RAPGEF5: variants seen among roughly 807,000 people sequenced by gnomAD.
RAPGEF5 encodes Rap guanine nucleotide exchange factor 5, also known as M-Ras-regulated GEF.
RAPGEF5 carries 65 observed loss-of-function variants against 125.2 expected under a neutral mutation model. The ratio of observed to expected loss-of-function variants is 0.52; its 90% confidence interval spans 0.43 to 0.64. The LOEUF is 0.64. RAPGEF5 is among the 30% of genes least tolerant of loss of function. The pLI is 0.00. For missense variants in RAPGEF5, 958 were observed against 1,048.1 expected (o/e 0.91, Z 1.19); for synonymous variants, 391 against 385.9 (o/e 1.01, Z -0.16).
intron 5 of RAPGEF5, among the ~76,000 whole-genome samples, chr7:22,297,200 G>GA (rs1488631370): frequency 6.6e-6 from 1 of 152,070 alleles, no homozygotes; most frequent in African/African-American, 2.4e-5. Flanking sequence ...GATGAAGCAG[G>GA]AAAAAAATGA....
intron 21 of RAPGEF5, 115 bp downstream of exon 21, chr7:22,139,910 C>A: frequency 3.4e-6 from 3 of 889,618 alleles, no homozygotes; most frequent in Admixed American, 2.5e-5. Flanking sequence ...ATCCCTACCA[C>A]CTTGACATAT....
rs571209777 is a variant in RAPGEF5, at chr7:22,202,331, G to T, written c.997-8298C>A. Among the ~76,000 whole-genome samples the T allele has an allele frequency of 1.2e-4, 18 of 152,296 alleles. No individual in the cohort carries two copies. The East Asian group carries it at 3.5e-3, about 29-fold the overall frequency. ...GGCTGAGTTCACAGCTGCAGACAAG[G>T]CCTCAACCTATACTGAGAGGACATG... On this transcript the variant is annotated intron_variant, in intron 9 of 25. Coordinates refer to ENST00000665637, the MANE Select transcript of RAPGEF5 (RefSeq NM_012294.5).
intron 7 of RAPGEF5, among the ~76,000 whole-genome samples, chr7:22,249,135 T>C (rs1038285275): frequency 6.6e-6 from 1 of 152,240 alleles, no homozygotes; most frequent in Non-Finnish European, 1.5e-5. Context: ...TTTACGAGGA[T>C]ATGGCTTAGT....
chr7:22,215,006 A>T (rs1785601656), intron 9 of RAPGEF5, among the ~76,000 whole-genome samples: 1 of 152,134 alleles, frequency 6.6e-6, no homozygotes, highest in Non-Finnish European at 1.5e-5. Flanking sequence ...AAAAGTTAGA[A>T]CCCCACCTAA....
chr7:22,315,252 C>G, intron 3 of RAPGEF5, 118 bp downstream of exon 3: 1 of 1,222,528 alleles, frequency 8.2e-7, no homozygotes, highest in Non-Finnish European at 1.1e-6. Context: ...ATAGAACAAA[C>G]AAACCCTCCT....
In RAPGEF5 at chr7:22,197,900, G is replaced by GGGGA. The variant is rs1554327466; in HGVS notation, c.997-3868_997-3867insTCCC. Among the ~76,000 whole-genome samples, 109 of 145,134 alleles carry GGGGA rather than the reference G, an allele frequency of 7.5e-4. 2 individuals are homozygous for GGGGA. The highest frequency in any genetic ancestry group is 2.6e-3 in the African/African-American group (104 of 39,428). On this transcript the variant is annotated intron_variant, in intron 9 of 25. Transcript: ENST00000665637. ...CTCTTTTTTCTTTTTTTTTGGGGGG[G>GGGGA]GGTGGTAGGAGGACATTCTCACTCT...
intron 12 of RAPGEF5, among the ~76,000 whole-genome samples, chr7:22,166,591 G>C (rs538954152): frequency 2.0e-4 from 30 of 152,332 alleles, no homozygotes; most frequent in African/African-American, 6.7e-4. Context: ...TTGATTCCAG[G>C]GGTTAGGTTC....
intron 5 of RAPGEF5, among the ~76,000 whole-genome samples, chr7:22,297,635 G>A (rs113113373): frequency 3.3e-5 from 5 of 152,360 alleles, no homozygotes; most frequent in African/African-American, 9.6e-5. Flanking sequence ...GACGCTAGAT[G>A]GCCATGGCCA....
rs777962250 is a variant in RAPGEF5 at position 22,230,859 on chromosome 7, A to T, written c.857T>A (p.Val286Asp). ...AATTGATCATACCTGAGAATCTGGA[A>T]CACTTTCGGCTTCTGTTACAGCTAC... ...KHVAVTEAES[V>D]PDSQAGVMCK... is the part of the protein sequence containing the mutation. Residue 286 changes from valine (V) to aspartate (D), a missense_variant, in exon 8 of 26, where the codon GTT becomes GAT. Transcript: ENST00000665637. The T allele has an allele frequency of 2.2e-5, 34 of 1,566,738 alleles. No individual in the cohort carries two copies. In the Middle Eastern group the frequency reaches 1.8e-3, roughly 84 times the overall value.
At chr7:22,193,813 T>C (rs1785078221) in intron 10 of RAPGEF5, 102 bp downstream of exon 10, 1 of 1,609,184 alleles carries the variant, frequency 6.2e-7, no homozygotes, top group African/African-American at 1.3e-5. Context: ...GGAGGGAGGG[T>C]AGAGGAGGCA....
intron 11 of RAPGEF5, chr7:22,192,086 A>C (rs1224219231): frequency 6.2e-6 from 1 of 161,090 alleles, no homozygotes; most frequent in Non-Finnish European, 1.4e-5. Context: ...TGATGATTAC[A>C]TTTGATGAAG....
rs138868615 is a variant in RAPGEF5 at position 22,303,507 on chromosome 7, A to C, written c.680+4832T>G. ...TAGAAATGCATTTGTATGGAACAAAATTGTGTTTACATAGAGCCATTAAAT... is the reference window on the plus strand; with the variant it reads ...TAGAAATGCATTTGTATGGAACAAACTTGTGTTTACATAGAGCCATTAAAT... On this transcript the variant is annotated intron_variant, in intron 5 of 25. Transcript: ENST00000665637. Among the ~76,000 whole-genome samples, 811 of 152,326 alleles carry C rather than the reference A, an allele frequency of 5.3e-3. 6 individuals are homozygous for C. The highest frequency in any genetic ancestry group is 0.02 in the South Asian group (97 of 4,828).
chr7:22,262,917 A>T (rs908406527), intron 7 of RAPGEF5, among the ~76,000 whole-genome samples: 4 of 152,218 alleles, frequency 2.6e-5, no homozygotes, highest in African/African-American at 7.2e-5. Flanking sequence ...GTGAGCCGGT[A>T]TCGTGCCACT....
chr7:22,133,614 C>A (rs1169242648), intron 23 of RAPGEF5, among the ~76,000 whole-genome samples: 3 of 152,124 alleles, frequency 2.0e-5, no homozygotes, highest in Non-Finnish European at 2.9e-5. Context: ...GAGACCCGCA[C>A]AAATCTGCAA....
chr7:22,125,821 T>C (rs1413682554), intron 24 of RAPGEF5, among the ~76,000 whole-genome samples, 163 bp from the exon 25 acceptor site: 1 of 152,152 alleles, frequency 6.6e-6, no homozygotes, highest in East Asian at 1.9e-4. Flanking sequence ...GGAGCTTGGA[T>C]TATCAAAGAA....
At chr7:22,348,877 A>G (rs1173842984) in intron 1 of RAPGEF5, among the ~76,000 whole-genome samples, 1 of 152,200 alleles carries the variant, frequency 6.6e-6, no homozygotes, top group Non-Finnish European at 1.5e-5. Flanking sequence ...ACTTGAGGCC[A>G]GGAGTTTGAG....
chr7:22,128,493 T>C (rs1329658863), intron 24 of RAPGEF5, among the ~76,000 whole-genome samples: 1 of 152,246 alleles, frequency 6.6e-6, no homozygotes, highest in Non-Finnish European at 1.5e-5. Flanking sequence ...ACTTAGGTTC[T>C]ATTGGTTCAT....
intron 13 of RAPGEF5, 135 bp downstream of exon 13, chr7:22,162,262 A>T: frequency 1.1e-6 from 1 of 948,764 alleles, no homozygotes; most frequent in Non-Finnish European, 1.5e-6. Context: ...ATAAACTTAA[A>T]TATTCTCTGA....
At chr7:22,171,766 C>T (rs1257718241) in intron 11 of RAPGEF5, among the ~76,000 whole-genome samples, 1 of 152,206 alleles carries the variant, frequency 6.6e-6, no homozygotes, top group East Asian at 1.9e-4. Context: ...TCCCAAAGTG[C>T]TGGGATTACA....
Sources: allele counts gnomAD v4.1 joint callset (sites outside exome capture counted in the v4.1 genomes callset), GRCh38; gene constraint gnomAD v4.1.1; transcripts MANE v1.5; gene names NCBI Gene and HGNC (gene_info 2026-07-23, HGNC 2026-07-21).